The following CCDC83 variants were observed in gnomAD, a reference collection of about 807,000 sequenced individuals.
CCDC83 encodes coiled-coil domain-containing protein 83.
Under a neutral mutation model 50.1 loss-of-function variants are expected in CCDC83, and 54 were observed. The observed-to-expected ratio is 1.08, with a 90% CI of 0.87 to 1.35. CCDC83 has a LOEUF of 1.35. Ranked by LOEUF, CCDC83 falls within the 40% of genes most tolerant of loss-of-function variation. The probability of loss-of-function intolerance (pLI) is 0.00; values close to 1 mark genes in which losing one functional copy is unlikely to be tolerated. For missense variants in CCDC83, 518 were observed against 473.9 expected (o/e 1.09, Z -0.86); for synonymous variants, 161 against 153.3 (o/e 1.05, Z -0.37).
chr11:85,887,434 T>A (rs2093332308), intron 5 of CCDC83, among the ~76,000 whole-genome samples: 1 of 152,194 alleles, frequency 6.6e-6, no homozygotes, highest in Non-Finnish European at 1.5e-5. Flanking sequence ...CAGGGCTCTC[T>A]GCTTGTGGAC....
At chr11:85,904,372 A>G (rs1238726098) in intron 7 of CCDC83, among the ~76,000 whole-genome samples, 1 of 152,150 alleles carries the variant, frequency 6.6e-6, no homozygotes, top group Non-Finnish European at 1.5e-5. Context: ...GAGTCATGGA[A>G]TTCTGTTTCT....
intron 4 of CCDC83, among the ~76,000 whole-genome samples, chr11:85,885,655 G>A (rs1007724273): frequency 6.6e-6 from 1 of 152,168 alleles, no homozygotes; most frequent in African/African-American, 2.4e-5. Flanking sequence ...AAAGGGGGGT[G>A]GGAAAAGACA....
At chr11:85,896,081 G>A (rs369254362) in intron 6 of CCDC83, among the ~76,000 whole-genome samples, 44 of 152,062 alleles carry the variant, frequency 2.9e-4, no homozygotes, top group East Asian at 7.7e-4. Flanking sequence ...TTCAGATTCC[G>A]GAATATTTGT....
At chr11:85,908,549 GATTAGATAGATA>G (rs2093435639) in intron 7 of CCDC83, among the ~76,000 whole-genome samples, 1 of 143,944 alleles carries the variant, frequency 6.9e-6, no homozygotes, top group Non-Finnish European at 1.5e-5. Flanking sequence ...TAGACTAGAT[GATTAGATAGATA>G]GATAGATAGA....
chr11:85,896,866 A>C (rs1008081577), intron 6 of CCDC83, among the ~76,000 whole-genome samples: 2 of 152,286 alleles, frequency 1.3e-5, no homozygotes, highest in South Asian at 2.1e-4. Context: ...TCTGTCTCAG[A>C]ATCATAAACA....
intron 7 of CCDC83, among the ~76,000 whole-genome samples, chr11:85,905,567 G>GCTACT (rs1019186569): frequency 3.3e-5 from 5 of 151,284 alleles, no homozygotes; most frequent in African/African-American, 1.2e-4. Flanking sequence ...CAGAGATTGT[G>GCTACT]CTACTTTACT....
At chr11:85,886,418 G>C (rs769541364) in intron 5 of CCDC83, 51 bp downstream of exon 5, 2 of 1,428,524 alleles carry the variant, frequency 1.4e-6, no homozygotes, top group South Asian at 3.0e-5. Flanking sequence ...TCTTTAGTAG[G>C]GCATACATTG....
chr11:85,900,486 A>T (rs1343206607), intron 7 of CCDC83, among the ~76,000 whole-genome samples: 2 of 152,184 alleles, frequency 1.3e-5, no homozygotes, highest in Non-Finnish European at 1.5e-5. Flanking sequence ...ACCACCTGCC[A>T]TACCACATAC....
chr11:85,882,136 A>AATAAT (rs1565141434), intron 3 of CCDC83, among the ~76,000 whole-genome samples: 2,017 of 129,810 alleles, frequency 0.016, 20 homozygotes, highest in African/African-American at 0.03. Context: ...AAAAAAACAA[A>AATAAT]AATAATAATA....
At chr11:85,877,486 T>TA (rs1269777561) in intron 3 of CCDC83, among the ~76,000 whole-genome samples, 1 of 152,152 alleles carries the variant, frequency 6.6e-6, no homozygotes. Flanking sequence ...TGGTAAAAAT[T>TA]AAACAATTTT....
chr11:85,902,086 A>C (rs1317112624), intron 7 of CCDC83, among the ~76,000 whole-genome samples: 1 of 151,936 alleles, frequency 6.6e-6, no homozygotes, highest in Non-Finnish European at 1.5e-5. Context: ...ATGAAATAAT[A>C]GAAGAAAATT....
chr11:85,916,181 T>G lies in CCDC83; in HGVS notation c.1028T>G (p.Phe343Cys). 4 of 1,613,402 alleles carry G rather than the reference T, an allele frequency of 2.5e-6. No individual in the cohort carries two copies. The highest frequency in any genetic ancestry group is 2.2e-5 in the South Asian group (2 of 91,006). Residue 343 changes from phenylalanine to cysteine, a missense_variant, in exon 10 of 11, where the codon TTT becomes TGT. Coordinates refer to ENST00000342404, the MANE Select transcript of CCDC83 (RefSeq NM_001286159.2). ...AAAGAGGAAAACTCAGGCACAGAGT[T>G]TGGGGACACTGATATGAAGTACTTA... is the stretch of plus-strand genomic sequence containing the variant. ...IDKEENSGTE[F>C]GDTDMKYLLY... is the part of the protein sequence containing the mutation.
intron 5 of CCDC83, among the ~76,000 whole-genome samples, chr11:85,889,622 G>A (rs2093342485): frequency 6.6e-6 from 1 of 152,164 alleles, no homozygotes; most frequent in Non-Finnish European, 1.5e-5. Context: ...ATGAATATGA[G>A]CAAGACTCCT....
At chr11:85,889,168 C>G (rs899554536) in intron 5 of CCDC83, among the ~76,000 whole-genome samples, 1 of 152,180 alleles carries the variant, frequency 6.6e-6, no homozygotes, top group African/African-American at 2.4e-5. Flanking sequence ...GCCTGAGCAA[C>G]AGGGTGAAAC....
intron 1 of CCDC83, among the ~76,000 whole-genome samples, chr11:85,858,610 G>A (rs2093156570): frequency 6.6e-6 from 1 of 152,210 alleles, no homozygotes; most frequent in South Asian, 2.1e-4. Flanking sequence ...AGGGGTACAA[G>A]GGAGACAGCC....
intron 1 of CCDC83, among the ~76,000 whole-genome samples, chr11:85,858,939 A>C (rs753378340): frequency 2.0e-5 from 3 of 152,132 alleles, no homozygotes; most frequent in African/African-American, 7.2e-5. Flanking sequence ...AGGAGTTAGA[A>C]TAGACTGTTA....
chr11:85,862,087 A>G (rs1401868894), intron 1 of CCDC83, among the ~76,000 whole-genome samples: 4 of 151,780 alleles, frequency 2.6e-5, no homozygotes, highest in Non-Finnish European at 2.9e-5. Context: ...AGGAAGGGAT[A>G]CACTGTGTGT....
intron 10 of CCDC83, 113 bp from the exon 11 acceptor site, chr11:85,919,236 G>A (rs1486529759): frequency 2.1e-6 from 2 of 931,388 alleles, no homozygotes; most frequent in Non-Finnish European, 3.3e-6. Flanking sequence ...GGCAATTAGG[G>A]GGCAATGAAG....
chr11:85,904,144 T>C (rs1398237733), intron 7 of CCDC83, among the ~76,000 whole-genome samples: 1 of 152,164 alleles, frequency 6.6e-6, no homozygotes, highest in Non-Finnish European at 1.5e-5. Context: ...AGGGGTTTTG[T>C]TCTTGACTGC....
Sources: allele counts gnomAD v4.1 joint callset (sites outside exome capture counted in the v4.1 genomes callset), GRCh38; gene constraint gnomAD v4.1.1; transcripts MANE v1.5; gene names NCBI Gene and HGNC (gene_info 2026-07-23, HGNC 2026-07-21).